Variants in BTRC observed in about 807,000 individuals in gnomAD.
BTRC encodes beta-transducin repeat containing E3 ubiquitin protein ligase, also known as F-box/WD repeat-containing protein 1A.
In BTRC, 42 loss-of-function variants were observed where a neutral mutation model predicts 85.5. That is an observed-to-expected ratio of 0.49 (90% CI 0.38 to 0.64). The LOEUF is 0.64. Among genes scored for constraint, BTRC ranks in the 30% least tolerant of loss-of-function variants. The pLI, the probability that BTRC is intolerant of heterozygous loss-of-function variation, is 0.00. For missense variants in BTRC, 594 were observed against 743.5 expected (o/e 0.80, Z 2.34); for synonymous variants, 255 against 263.3 (o/e 0.97, Z 0.30).
chr10:101,541,723 T>C (rs2062471823), intron 13 of BTRC, among the ~76,000 whole-genome samples: 1 of 152,224 alleles, frequency 6.6e-6, no homozygotes, highest in Admixed American at 6.5e-5. Context: ...TGTTAATTGG[T>C]ATATTACATT....
At chr10:101,362,545 G>A (rs992913072) in intron 1 of BTRC, among the ~76,000 whole-genome samples, 78 of 151,876 alleles carry the variant, frequency 5.1e-4, no homozygotes, top group African/African-American at 1.9e-3. Flanking sequence ...ACAGGCATGC[G>A]GCACCACACC....
chr10:101,526,269 T>C (rs1267547239), intron 6 of BTRC, 70 bp downstream of exon 6: 1 of 1,457,388 alleles, frequency 6.9e-7, no homozygotes, highest in South Asian at 1.3e-5. Context: ...TGAAAGATTT[T>C]TGGGGAGCCA....
chr10:101,509,719 ATTTTT>A (rs549474862), intron 4 of BTRC, among the ~76,000 whole-genome samples: 39,672 of 120,168 alleles, frequency 0.33, 6,860 homozygotes, highest in Middle Eastern at 0.52. Flanking sequence ...CACACAGCTA[ATTTTT>A]TTTTTTTTTT....
chr10:101,547,026 T>C (rs2062568669), intron 13 of BTRC, among the ~76,000 whole-genome samples: 1 of 152,186 alleles, frequency 6.6e-6, no homozygotes, highest in Non-Finnish European at 1.5e-5. Context: ...AGCATTACCC[T>C]AAAACCAAAA....
chr10:101,485,627 T>C (rs1945963607), intron 4 of BTRC, among the ~76,000 whole-genome samples: 1 of 152,238 alleles, frequency 6.6e-6, no homozygotes, highest in Non-Finnish European at 1.5e-5. Flanking sequence ...GTGAACTCTA[T>C]GAACCGTTTT....
chr10:101,427,112 T>C (rs528152029), intron 1 of BTRC, among the ~76,000 whole-genome samples: 1 of 142,068 alleles, frequency 7.0e-6, no homozygotes, highest in Non-Finnish European at 1.5e-5. Context: ...CTTTTTTCTT[T>C]CTTTTTTTTT....
chr10:101,382,784 G>T (rs1942968636), intron 1 of BTRC, among the ~76,000 whole-genome samples: 1 of 152,066 alleles, frequency 6.6e-6, no homozygotes, highest in African/African-American at 2.4e-5. Flanking sequence ...TTTTTAGGTA[G>T]TTCTAAATAA....
intron 1 of BTRC, among the ~76,000 whole-genome samples, chr10:101,408,451 C>A (rs1943688294): frequency 1.3e-5 from 2 of 152,086 alleles, no homozygotes; most frequent in Non-Finnish European, 2.9e-5. Flanking sequence ...GGACTATAGG[C>A]ATGCACCACT....
At chr10:101,518,778 G>T (rs982683303) in intron 4 of BTRC, among the ~76,000 whole-genome samples, 1 of 152,070 alleles carries the variant, frequency 6.6e-6, no homozygotes, top group Non-Finnish European at 1.5e-5. Context: ...ATTCTTCCTC[G>T]CTGTCTAGTC....
intron 1 of BTRC, among the ~76,000 whole-genome samples, chr10:101,378,261 G>GT (rs891944647): frequency 2.0e-4 from 30 of 151,590 alleles, no homozygotes; most frequent in Admixed American, 5.9e-4. Context: ...AATGTTTAGT[G>GT]TTTTTTTTGA....
intron 1 of BTRC, among the ~76,000 whole-genome samples, chr10:101,423,500 ATTG>A (rs1348738301): frequency 6.6e-6 from 1 of 152,180 alleles, no homozygotes; most frequent in East Asian, 1.9e-4. Flanking sequence ...AATTTAGTAC[ATTG>A]TTAAATTTTT....
At chr10:101,372,035 G>C (rs1449544201) in intron 1 of BTRC, among the ~76,000 whole-genome samples, 3 of 151,582 alleles carry the variant, frequency 2.0e-5, no homozygotes, top group African/African-American at 7.3e-5. Context: ...TCTATTGCAG[G>C]GTCATTTTTG....
chr10:101,385,366 C>CAAAA (rs10718968), intron 1 of BTRC, among the ~76,000 whole-genome samples: 6 of 82,920 alleles, frequency 7.2e-5, no homozygotes, highest in Admixed American at 1.4e-4. Context: ...GACTCTGTCT[C>CAAAA]AAAAAAAAAA....
chr10:101,444,125 C>G (rs1223880770), intron 2 of BTRC, among the ~76,000 whole-genome samples: 2 of 152,104 alleles, frequency 1.3e-5, no homozygotes, highest in Non-Finnish European at 2.9e-5. Context: ...TATATCTCAT[C>G]TCAGCAAAAA....
intron 6 of BTRC, among the ~76,000 whole-genome samples, chr10:101,528,745 A>G (rs1365233689): frequency 6.6e-6 from 1 of 151,988 alleles, no homozygotes; most frequent in Non-Finnish European, 1.5e-5. Flanking sequence ...TCTTCTTTCA[A>G]GTTGTCTTAC....
chr10:101,426,240 A>T (rs1346190841), intron 1 of BTRC, among the ~76,000 whole-genome samples: 1 of 152,202 alleles, frequency 6.6e-6, no homozygotes. Flanking sequence ...GGCATTTACC[A>T]GTATAGATAA....
intron 4 of BTRC, among the ~76,000 whole-genome samples, chr10:101,498,693 G>A (rs1045186756): frequency 7.2e-5 from 11 of 152,058 alleles, no homozygotes; most frequent in Admixed American, 6.6e-5. Context: ...CTTGGTGCTA[G>A]AAAATAATAA....
intron 4 of BTRC, among the ~76,000 whole-genome samples, chr10:101,506,996 A>T (rs1318207432): frequency 6.6e-6 from 1 of 152,186 alleles, no homozygotes; most frequent in Non-Finnish European, 1.5e-5. Flanking sequence ...ATCCAGAATT[A>T]TTTTTTGAAG....
chr10:101,378,436 T>G (rs999355766), intron 1 of BTRC, among the ~76,000 whole-genome samples: 2 of 152,272 alleles, frequency 1.3e-5, no homozygotes, highest in African/African-American at 4.8e-5. Flanking sequence ...TTACAGTTAT[T>G]TAATCTTTGT....
Sources: allele counts gnomAD v4.1 joint callset (sites outside exome capture counted in the v4.1 genomes callset), GRCh38; gene constraint gnomAD v4.1.1; transcripts MANE v1.5; gene names NCBI Gene and HGNC (gene_info 2026-07-23, HGNC 2026-07-21).